The following CYTH3 variants were observed in gnomAD, a reference collection of about 807,000 sequenced individuals.
CYTH3 encodes cytohesin-3.
A neutral mutation model predicts 55.1 loss-of-function variants in CYTH3; 23 were observed. That is an observed-to-expected ratio of 0.42 (90% CI 0.30 to 0.59). The LOEUF (loss-of-function observed/expected upper bound fraction) is 0.59, where lower values mean the gene tolerates loss of function less well. Ranked by LOEUF, CYTH3 falls within the 20% of genes least tolerant of loss-of-function variation. The probability of loss-of-function intolerance (pLI) is 0.20; values close to 1 mark genes in which losing one functional copy is unlikely to be tolerated. For synonymous variants in CYTH3, 249 were observed against 194.9 expected (o/e 1.28, Z -2.31); for missense variants, 413 against 524.8 (o/e 0.79, Z 2.08).
At chr7:6,237,450 C>T (rs1399797247) in intron 1 of CYTH3, among the ~76,000 whole-genome samples, 1 of 152,218 alleles carries the variant, frequency 6.6e-6, no homozygotes, top group African/African-American at 2.4e-5. Context: ...TGGCTCACAC[C>T]TGTAATCCCA....
intron 1 of CYTH3, among the ~76,000 whole-genome samples, chr7:6,226,764 T>C (rs1379781749): frequency 6.6e-6 from 1 of 152,112 alleles, no homozygotes; most frequent in African/African-American, 2.4e-5. Flanking sequence ...GGATGGCATT[T>C]TTAAAGTCCT....
chr7:6,185,310 C>T (rs1334229835), intron 4 of CYTH3, among the ~76,000 whole-genome samples: 9 of 152,100 alleles, frequency 5.9e-5, no homozygotes, highest in Non-Finnish European at 1.0e-4. Context: ...CATGGCCTGG[C>T]GCAGTGGCTC....
intron 1 of CYTH3, among the ~76,000 whole-genome samples, chr7:6,206,901 C>A (rs1000821315): frequency 2.0e-5 from 3 of 151,916 alleles, no homozygotes; most frequent in African/African-American, 7.3e-5. Context: ...ACGGGGGAGA[C>A]GATTTTTTTC....
At position 6,272,610 on chromosome 7, in the gene CYTH3, C is replaced by T. The variant is rs1310907444; in HGVS notation, c.-103G>A. 5 of 899,588 alleles carry T rather than the reference C, an allele frequency of 5.6e-6. No homozygotes were observed. The highest frequency in any genetic ancestry group is 1.8e-5 in the African/African-American group (1 of 55,260). 55.7% of individuals were successfully genotyped at this position (899,588 alleles called of 1,614,324 possible). On this transcript the variant is annotated 5_prime_UTR_variant, in exon 1 of 13. Coordinates refer to ENST00000350796, the MANE Select transcript of CYTH3 (RefSeq NM_004227.4). ...GCGCGCAGGCGACCGGGCGGCTCCT[C>T]AGCGCGCGGCCCGGGTCGCGGCCGG...
intron 1 of CYTH3, among the ~76,000 whole-genome samples, chr7:6,228,225 G>C (rs17136085): frequency 0.058 from 8,755 of 151,944 alleles, 590 homozygotes; most frequent in East Asian, 0.31. Context: ...AAGTTAAAGA[G>C]AATGATCATA....
rs1217828010 is a variant in CYTH3, at chr7:6,258,621, A to G, written c.34+13853T>C. ...CAATAGGGCATCAACAATGTCTTCT[A>G]CACAGAGTCAAATATGGCTGTAACA... On this transcript the variant is annotated intron_variant, in intron 1 of 12. Coordinates refer to ENST00000350796, the MANE Select transcript of CYTH3 (RefSeq NM_004227.4). Among the ~76,000 whole-genome samples, 124 of 150,232 alleles carry G rather than the reference A, an allele frequency of 8.3e-4. 1 individual carries two copies. The highest frequency in any genetic ancestry group is 4.4e-5 in the Non-Finnish European group (3 of 68,016).
At chr7:6,178,023 G>T in intron 4 of CYTH3, 82 bp from the exon 5 acceptor site, 1 of 1,044,044 alleles carries the variant, frequency 9.6e-7, no homozygotes, top group Non-Finnish European at 1.5e-6. Context: ...CTTAGTGTCA[G>T]GATTTTACTG....
chr7:6,262,654 C>T, intron 1 of CYTH3, among the ~76,000 whole-genome samples: 1 of 152,270 alleles, frequency 6.6e-6, no homozygotes, highest in Admixed American at 6.5e-5. Flanking sequence ...TAGTTCAACA[C>T]CAGCCTGAGC....
In CYTH3 at chr7:6,220,887, T is replaced by C. The variant is rs139118288; in HGVS notation, c.35-30356A>G. ...GGCGGGCACCTGTAGTCCCAGCCAA[T>C]TGGGAGGCAGTGGCAGGAGAATTGC... On this transcript the variant is annotated intron_variant, in intron 1 of 12. Coordinates refer to ENST00000350796, the MANE Select transcript of CYTH3 (RefSeq NM_004227.4). Among the ~76,000 whole-genome samples, 400 of 152,120 alleles carry C rather than the reference T, an allele frequency of 2.6e-3. 5 individuals carry two copies. Among genetic ancestry groups the C allele is most frequent in the East Asian group, 8.9e-3 (46 of 5,176 alleles).
intron 12 of CYTH3, 73 bp downstream of exon 12, chr7:6,165,200 G>A: frequency 8.9e-6 from 14 of 1,568,410 alleles, no homozygotes; most frequent in South Asian, 1.2e-5. Flanking sequence ...AAGCATCCAT[G>A]TTCCAGACCA....
chr7:6,263,982 C>A (rs903724085), intron 1 of CYTH3, among the ~76,000 whole-genome samples: 1 of 152,148 alleles, frequency 6.6e-6, no homozygotes, highest in African/African-American at 2.4e-5. Flanking sequence ...TGCGGTTGCT[C>A]ACACCTGTAA....
At chr7:6,190,790 T>C (rs2128544180) in intron 1 of CYTH3, among the ~76,000 whole-genome samples, 1 of 152,238 alleles carries the variant, frequency 6.6e-6, no homozygotes, top group East Asian at 1.9e-4. Flanking sequence ...AAAAATATTT[T>C]TTCAGGCCAG....
chr7:6,232,875 G>T (rs1207740640), intron 1 of CYTH3, among the ~76,000 whole-genome samples: 1 of 152,122 alleles, frequency 6.6e-6, no homozygotes, highest in Non-Finnish European at 1.5e-5. Flanking sequence ...TAGGAGCCCT[G>T]AGTTTACATC....
Position 6,272,607 on chromosome 7 carries a change from C to A in CYTH3, c.-100G>T, listed in dbSNP as rs1780698377. Reference sequence around the variant, plus strand: ...GGAGCGCGCAGGCGACCGGGCGGCTCCTCAGCGCGCGGCCCGGGTCGCGGC... The same window carrying A: ...GGAGCGCGCAGGCGACCGGGCGGCTACTCAGCGCGCGGCCCGGGTCGCGGC... On this transcript the variant is annotated 5_prime_UTR_variant, in exon 1 of 13. Coordinates refer to ENST00000350796, the MANE Select transcript of CYTH3 (RefSeq NM_004227.4). 7 of 932,896 alleles carry A rather than the reference C, an allele frequency of 7.5e-6. No individual in the cohort carries two copies. Among genetic ancestry groups the A allele is most frequent in the Admixed American group, 5.5e-5 (1 of 18,208 alleles). 57.8% of individuals were successfully genotyped at this position (932,896 alleles called of 1,614,324 possible). A position where few individuals can be genotyped will look rare whatever the true frequency, so the allele number is the denominator to read the frequency against.
chr7:6,173,546 T>C (rs2128538522), intron 6 of CYTH3, 107 bp downstream of exon 6: 1 of 750,432 alleles, frequency 1.3e-6, no homozygotes, highest in Non-Finnish European at 2.4e-6. Context: ...TCTGTGAGAC[T>C]CGTGTGGCAC....
intron 1 of CYTH3, among the ~76,000 whole-genome samples, chr7:6,196,295 G>C (rs1196080922): frequency 3.9e-5 from 6 of 152,258 alleles, no homozygotes; most frequent in African/African-American, 1.4e-4. Flanking sequence ...GATAACGTGA[G>C]AAGTAGGAAA....
At chr7:6,268,264 C>T (rs547138105) in intron 1 of CYTH3, among the ~76,000 whole-genome samples, 2 of 152,176 alleles carry the variant, frequency 1.3e-5, no homozygotes, top group Admixed American at 6.5e-5. Context: ...ACCTCCCAGG[C>T]TCAAGCGATT....
At position 6,232,679 on chromosome 7, in the gene CYTH3, A is replaced by G. The variant is rs149938640; in HGVS notation, c.34+39795T>C. 1.1e-4 allele frequency among the ~76,000 whole-genome samples: 16 copies of G among 152,222 alleles called. No individual in the cohort carries two copies. In the East Asian group the frequency reaches 2.9e-3, roughly 28 times the overall value. On this transcript the variant is annotated intron_variant, in intron 1 of 12. Coordinates refer to ENST00000350796, the MANE Select transcript of CYTH3 (RefSeq NM_004227.4). ...TGGCTGCAGCAGCAGCCACTGGGCA[A>G]CCTCAGCCAGACTGTGTGGTCTCGG...
intron 4 of CYTH3, among the ~76,000 whole-genome samples, chr7:6,183,235 G>C (rs1783552395): frequency 6.6e-6 from 1 of 152,224 alleles, no homozygotes; most frequent in South Asian, 2.1e-4. Flanking sequence ...TCTGCACTCG[G>C]GGAACTCTGA....
Sources: allele counts gnomAD v4.1 joint callset (sites outside exome capture counted in the v4.1 genomes callset), GRCh38; gene constraint gnomAD v4.1.1; transcripts MANE v1.5; gene names NCBI Gene and HGNC (gene_info 2026-07-23, HGNC 2026-07-21).